Variants in ICE2 observed in about 807,000 individuals in gnomAD.
ICE2 encodes the protein interactor of little elongation complex ELL subunit 2, also known as little elongation complex subunit 2.
In ICE2, 87 loss-of-function variants were observed where a neutral mutation model predicts 105.4. The ratio of observed to expected loss-of-function variants is 0.83; its 90% CI spans 0.69 to 0.99. ICE2 has a LOEUF of 0.99. Among genes scored for constraint, ICE2 ranks in the 50% least tolerant of loss-of-function variants. The pLI, the probability that ICE2 is intolerant of heterozygous loss-of-function variation, is 0.00. For missense variants in ICE2, 1,323 were observed against 1,146.7 expected, an observed-to-expected ratio of 1.15 and a Z score of -2.22; for synonymous variants, 399 against 392.0, an observed-to-expected ratio of 1.02 and a Z score of -0.21.
At position 60,436,130 on chromosome 15, in the gene ICE2, TA is replaced by T; in HGVS notation, c.2510+12del. ...AAATTTTTCAATTCTCACCACAAAG[TA>T]AACTTTCTTACTTGAGTGCTGAAAG... On this transcript the variant is annotated intron_variant, in intron 13 of 15. Transcript: ENST00000261520. 8.4e-7 allele frequency: 1 copy of T among 1,196,206 alleles called. No homozygotes were observed. Among genetic ancestry groups the T allele is most frequent in the Non-Finnish European group, 1.2e-6 (1 of 854,592 alleles). The allele number at this position is 1,196,206 out of a possible 1,614,324, so 74.1% of individuals were successfully genotyped here.
Position 60,428,574 on chromosome 15 carries a change from T to A in ICE2, c.2675A>T (p.His892Leu), listed in dbSNP as rs1307335060. The change falls in exon 15 of 16, where the codon CAT becomes CTT. Residue 892 changes from histidine to leucine, a missense_variant. His to Leu is a moderately conservative substitution (Grantham distance 99). Coordinates refer to ENST00000261520, the MANE Select transcript of ICE2 (RefSeq NM_024611.6). The stretch of plus-strand genomic sequence containing the variant: ...GGAAGGTACACCAGGAAGGCCGCAA[T>A]GTGTTTTATACAAATTGTATGCTGT... The part of the protein sequence containing the change: ...TRTAYNLYKT[H>L]CGLPGVPSSL... The A allele has an allele frequency of 6.8e-6, 11 of 1,613,994 alleles. No individual in the cohort carries two copies. Among genetic ancestry groups the A allele is most frequent in the Non-Finnish European group, 9.3e-6 (11 of 1,180,016 alleles).
chr15:60,466,154 G>A (rs1025147886), intron 5 of ICE2, among the ~76,000 whole-genome samples: 5 of 152,326 alleles, frequency 3.3e-5, no homozygotes, highest in African/African-American at 1.2e-4. Flanking sequence ...GCATGAATGA[G>A]TGAAGTATCC....
chr15:60,461,329 T>C (rs986098941), intron 5 of ICE2, among the ~76,000 whole-genome samples: 19 of 152,156 alleles, frequency 1.2e-4, no homozygotes, highest in African/African-American at 4.6e-4. Context: ...GTATTCAGAC[T>C]ATATAAAGAA....
chr15:60,449,623 G>T lies in ICE2; in HGVS notation c.1344C>A (p.Asp448Glu). The stretch of plus-strand genomic sequence containing the variant: ...ATAAACTTCTAGAATTAGCAGAAAT[G>T]TCTGGTGCACTTGGTGCCACAGTTG... ...GTTTVAPSAP[D>E]ISANSRSLSQ... Residue 448 changes from aspartate to glutamate, a missense_variant, in exon 10 of 16, where the codon GAC becomes GAA. By Grantham distance (45) the Asp-to-Glu change is conservative. Coordinates refer to ENST00000261520, the MANE Select transcript of ICE2 (RefSeq NM_024611.6). 1 of 1,614,142 alleles carries T rather than the reference G, an allele frequency of 6.2e-7. No individual in the cohort carries two copies. Among genetic ancestry groups the T allele is most frequent in the Non-Finnish European group, 8.5e-7 (1 of 1,180,028 alleles).
At chr15:60,476,237 C>A in intron 2 of ICE2, 70 bp from the exon 3 acceptor site, 2 of 925,154 alleles carry the variant, frequency 2.2e-6, no homozygotes, top group Non-Finnish European at 3.4e-6. Flanking sequence ...CACATAATGG[C>A]ACAATTGTAA....
chr15:60,465,144 A>G (rs550354109), intron 5 of ICE2, among the ~76,000 whole-genome samples: 1 of 152,142 alleles, frequency 6.6e-6, no homozygotes. Flanking sequence ...TAGAAGAACC[A>G]TTCTTCTGGT....
At chr15:60,452,284 T>C (rs767588956) in intron 9 of ICE2, 4 of 902,150 alleles carry the variant, frequency 4.4e-6, no homozygotes, top group South Asian at 5.1e-5. Flanking sequence ...TCCTTAAAAT[T>C]GTATGAGCTC....
intron 12 of ICE2, chr15:60,438,000 G>A (rs756686172): frequency 2.0e-5 from 3 of 151,972 alleles, no homozygotes; most frequent in Non-Finnish European, 4.4e-5. Context: ...TATGAATCTA[G>A]AATTCCAAAA....
intron 9 of ICE2, chr15:60,452,771 G>A (rs1380877930): frequency 1.5e-6 from 1 of 667,276 alleles, no homozygotes; most frequent in African/African-American, 2.0e-5. Context: ...TATGAGTTAG[G>A]TAATATCATG....
At position 60,476,038 on chromosome 15, in the gene ICE2, A is replaced by G. The variant is rs780179316; in HGVS notation, c.146+25T>C. Reference sequence around the variant, plus strand: ...AGAAAAACGACCATCAAATATGGAAATAAATAACCAAATAAACATATTACC... The same window carrying G: ...AGAAAAACGACCATCAAATATGGAAGTAAATAACCAAATAAACATATTACC... On this transcript the variant is annotated intron_variant, in intron 3 of 15. Transcript: ENST00000261520. 2.8e-6 allele frequency: 4 copies of G among 1,439,254 alleles called. No individual in the cohort carries two copies. In the South Asian group the frequency reaches 5.1e-5, roughly 19 times the overall value. The allele number at this position is 1,439,254 out of a possible 1,614,324, so 89.2% of individuals were successfully genotyped here.
rs1456062998 is a variant in ICE2, at chr15:60,464,295, CT to C, written c.528+2298del. The stretch of plus-strand genomic sequence containing the variant: ...AATATCTACATTGAGCACCTGAGCA[CT>C]TAAGCGTGCCATACACTGTTCTAGT... On this transcript the variant is annotated intron_variant, in intron 5 of 15. Coordinates refer to ENST00000261520, the MANE Select transcript of ICE2 (RefSeq NM_024611.6). Among the ~76,000 whole-genome samples, 49 of 152,158 alleles carry C rather than the reference CT, an allele frequency of 3.2e-4. 1 individual carries two copies. The highest frequency in any genetic ancestry group is 3.1e-3 in the Admixed American group (48 of 15,282).
At position 60,420,012 on chromosome 15, in the gene ICE2, G is replaced by C. The variant is rs2063226859; in HGVS notation, c.*3622C>G. On this transcript the variant is annotated 3_prime_UTR_variant, in exon 16 of 16. Coordinates refer to ENST00000261520, the MANE Select transcript of ICE2 (RefSeq NM_024611.6). ...AGAGCCTGACTGCAACTTCATGAGAGACCTGGACTTTTGACTTACAGAAAC... is the reference window on the plus strand; with the variant it reads ...AGAGCCTGACTGCAACTTCATGAGACACCTGGACTTTTGACTTACAGAAAC... 6.6e-6 allele frequency: 1 copy of C among 152,184 alleles called. No individual in the cohort carries two copies. The highest frequency in any genetic ancestry group is 1.5e-5 in the Non-Finnish European group (1 of 68,038). The allele number at this position is 152,184 out of a possible 1,614,324, so 9.4% of individuals were successfully genotyped here.
intron 3 of ICE2, among the ~76,000 whole-genome samples, chr15:60,468,905 A>C (rs2064504689): frequency 6.6e-6 from 1 of 152,234 alleles, no homozygotes; most frequent in Non-Finnish European, 1.5e-5. Flanking sequence ...ACTCTGGTAC[A>C]TGGCTGAGTT....
At chr15:60,455,896 G>A (rs919744183) in intron 6 of ICE2, among the ~76,000 whole-genome samples, 1 of 152,046 alleles carries the variant, frequency 6.6e-6, no homozygotes, top group African/African-American at 2.4e-5. Context: ...GGGATTATAG[G>A]TGTGAGCCAT....
In ICE2 at chr15:60,468,109, T is replaced by G; in HGVS notation, c.360A>C (p.Ala120=). 1 of 1,613,966 alleles carries G rather than the reference T, an allele frequency of 6.2e-7. No homozygotes were observed. The highest frequency in any genetic ancestry group is 8.5e-7 in the Non-Finnish European group (1 of 1,179,898). ...TATTTATTCCAACAGCTTTGGAATT[T>G]GCAGGAATCTTTGCGTATTTAACCA... ...DLLVKYAKIP[A]NSKAVGINKN... is the part of the protein sequence containing the mutation. The change falls in exon 4 of 16, where the codon GCA becomes GCC. Residue 120 remains alanine (A), a synonymous_variant. Coordinates refer to ENST00000261520, the MANE Select transcript of ICE2 (RefSeq NM_024611.6).
rs144122723 is a variant in ICE2 at position 60,428,501 on chromosome 15, T to C, written c.2748A>G (p.Pro916=). ...GTATTCTTCCATGATGGATATGATATGGTAATAACAGGCTGGGATCTAATG... is the reference window on the plus strand; with the variant it reads ...GTATTCTTCCATGATGGATATGATACGGTAATAACAGGCTGGGATCTAATG... The part of the protein sequence containing the change: ...WVPLDPSLLL[P]YHIHHGRIPC... The change falls in exon 15 of 16, where the codon CCA becomes CCG. Residue 916 remains proline, a synonymous_variant. Coordinates refer to ENST00000261520, the MANE Select transcript of ICE2 (RefSeq NM_024611.6). The C allele has an allele frequency of 4.0e-5, 65 of 1,614,090 alleles. No homozygotes were observed. Among genetic ancestry groups the C allele is most frequent in the Non-Finnish European group, 5.1e-5 (60 of 1,179,972 alleles).
At chr15:60,450,715 C>A (rs917538389) in intron 9 of ICE2, among the ~76,000 whole-genome samples, 4 of 152,164 alleles carry the variant, frequency 2.6e-5, no homozygotes, top group Admixed American at 2.0e-4. Flanking sequence ...CCTCAACGGC[C>A]TCATCTCTAA....
intron 15 of ICE2, among the ~76,000 whole-genome samples, chr15:60,426,662 T>C (rs1267008823): frequency 6.6e-6 from 1 of 152,190 alleles, no homozygotes; most frequent in Non-Finnish European, 1.5e-5. Context: ...GAAAGTATAT[T>C]ACTCATTTTT....
chr15:60,448,107 A>G lies in ICE2; in HGVS notation c.2158T>C (p.Ser720Pro), dbSNP rs1302837304. The change falls in exon 11 of 16, where the codon TCG becomes CCG. Residue 720 changes from serine (S) to proline (P), a missense_variant. By Grantham distance (74) the Ser-to-Pro change is moderately conservative. Transcript: ENST00000261520. ...YELQDYVEDT[S>P]EYLAPQEGNF... ...CCTTCCTGAGGAGCTAGGTATTCCG[A>G]TGTATCTTCAACATAGTCCTGAAGT... is the stretch of plus-strand genomic sequence containing the variant. 6.2e-7 allele frequency: 1 copy of G among 1,612,854 alleles called. No individual in the cohort carries two copies. The highest frequency in any genetic ancestry group is 1.1e-5 in the South Asian group (1 of 91,026).
Sources: allele counts gnomAD v4.1 joint callset (sites outside exome capture counted in the v4.1 genomes callset), GRCh38; gene constraint gnomAD v4.1.1; transcripts MANE v1.5; gene names NCBI Gene and HGNC (gene_info 2026-07-23, HGNC 2026-07-21).